The following ADAP1 variants were observed in gnomAD, a reference collection of about 807,000 sequenced individuals.
ADAP1 encodes ArfGAP with dual PH domains 1.
In ADAP1, 31 loss-of-function variants were observed where a neutral mutation model predicts 54.9. The observed-to-expected ratio is 0.56, with a 90% confidence interval of 0.42 to 0.76. The LOEUF is 0.76. Ranked by LOEUF, ADAP1 falls within the 30% of genes least tolerant of loss-of-function variation. The pLI is 0.00. For missense variants in ADAP1, 535 were observed against 512.4 expected, an observed-to-expected ratio of 1.04 and a Z score of -0.42; for synonymous variants, 313 against 202.6, an observed-to-expected ratio of 1.55 and a Z score of -4.63.
intron 4 of ADAP1, among the ~76,000 whole-genome samples, chr7:911,048 T>C (rs1348620488): frequency 6.6e-6 from 1 of 152,216 alleles, no homozygotes. Context: ...GACCCATTAA[T>C]GCACCTTCTC....
intron 4 of ADAP1, among the ~76,000 whole-genome samples, chr7:907,948 C>A (rs1338641110): frequency 6.6e-6 from 1 of 151,808 alleles, no homozygotes; most frequent in Non-Finnish European, 1.5e-5. Flanking sequence ...CCAGGGGTCG[C>A]GGGGCCGTCT....
intron 3 of ADAP1, among the ~76,000 whole-genome samples, chr7:922,440 G>A (rs544690909): frequency 1.3e-5 from 2 of 152,238 alleles, no homozygotes; most frequent in South Asian, 2.1e-4. Context: ...AGGGGAAGAC[G>A]CTCTGAGCCC....
chr7:920,204 T>G lies in ADAP1; in HGVS notation c.306-154A>C, dbSNP rs1285849283. ...TCTGGGCACAAGATCCCGGAAGAAA[T>G]GCAGGGTCAGCCTCCTGCCCGGGAC... On this transcript the variant is annotated intron_variant, in intron 3 of 10. Transcript: ENST00000265846. This position sits in a 1 kb window ranked among gnomAD's most constrained non-coding sequence, Gnocchi z 4.5. 1.3e-5 allele frequency among the ~76,000 whole-genome samples: 2 copies of G among 152,006 alleles called. No individual in the cohort carries two copies. Among genetic ancestry groups the G allele is most frequent in the African/African-American group, 4.8e-5 (2 of 41,364 alleles).
At position 954,494 on chromosome 7, in the gene ADAP1, C is replaced by T. The variant is rs541291932; in HGVS notation, c.-17G>A. The T allele has an allele frequency of 3.6e-4, 361 of 1,016,244 alleles. 4 individuals are homozygous for T. In the African/African-American group the frequency reaches 5.7e-3, roughly 16 times the overall value. 63.0% of individuals were successfully genotyped at this position (1,016,244 alleles called of 1,614,324 possible). A position where few individuals can be genotyped will look rare whatever the true frequency, so the allele number is the denominator to read the frequency against. On this transcript the variant is annotated 5_prime_UTR_variant, in exon 1 of 11. Coordinates refer to ENST00000265846, the MANE Select transcript of ADAP1 (RefSeq NM_006869.4). The stretch of plus-strand genomic sequence containing the variant: ...CTTGGCCATGGCCGCGATGCGCCCG[C>T]GATGCCGATGCCGGGGCCGGGGCCG...
Position 926,600 on chromosome 7 carries a change from C to T in ADAP1, c.258G>A (p.Glu86=). The T allele has an allele frequency of 6.5e-7, 1 of 1,545,904 alleles. No individual in the cohort carries two copies. Residue 86 remains glutamate, a synonymous_variant, in exon 3 of 11, where the codon GAG becomes GAA. Transcript: ENST00000265846. The surrounding 1 kb of genome is among the most constrained non-coding windows in gnomAD (Gnocchi z 4.6). ...HGNDAARARF[E]SKVPSFYYRP... is the part of the protein sequence containing the mutation. ...GGTAGTAGAAGGAGGGTACTTTGGACTCAAACCTGGCTCTCGCGGCGTCGT... is the reference window on the plus strand; with the variant it reads ...GGTAGTAGAAGGAGGGTACTTTGGATTCAAACCTGGCTCTCGCGGCGTCGT...
intron 4 of ADAP1, among the ~76,000 whole-genome samples, chr7:914,308 C>T (rs1383183733): frequency 6.6e-6 from 1 of 152,254 alleles, no homozygotes; most frequent in Non-Finnish European, 1.5e-5. Flanking sequence ...CCGGGCCCTG[C>T]CGCAGGGACT....
rs142389101 is a variant in ADAP1 at position 904,138 on chromosome 7, A to G, written c.636T>C (p.His212=). The part of the protein sequence containing the change: ...DNSTRNIFIY[H]EDGKEIVDWF... The stretch of plus-strand genomic sequence containing the variant: ...CGCCAGCACCCACCTTCCCGTCCTC[A>G]TGGTAGATGAAGATGTTACGGGTGC... The change falls in exon 6 of 11, where the codon CAT becomes CAC. Residue 212 remains histidine (H), a synonymous_variant. Transcript: ENST00000265846. 203 of 1,612,118 alleles carry G rather than the reference A, an allele frequency of 1.3e-4. No individual in the cohort carries two copies. Among genetic ancestry groups the G allele is most frequent in the Non-Finnish European group, 1.6e-4 (186 of 1,179,734 alleles).
intron 1 of ADAP1, among the ~76,000 whole-genome samples, chr7:939,846 AG>A (rs1263226758): frequency 6.7e-6 from 1 of 149,046 alleles, no homozygotes; most frequent in Non-Finnish European, 1.5e-5. Flanking sequence ...AAAAAAAAAA[AG>A]TTTGCCAATG....
rs1350729876 is a variant in ADAP1 at position 919,146 on chromosome 7, G to A, written c.388+822C>T. ...GTTTCTGCCACCCGAGGGCCCCCAA[G>A]GGCACCCAGGCAGGCCTAGGGGAGG... On this transcript the variant is annotated intron_variant, in intron 4 of 10. Transcript: ENST00000265846. Among the ~76,000 whole-genome samples, 7 of 152,324 alleles carry A rather than the reference G, an allele frequency of 4.6e-5. No individual in the cohort carries two copies. The East Asian group carries it at 1.4e-3, about 29-fold the overall frequency.
chr7:954,807 G>A, upstream of ADAP1: 2 of 767,408 alleles, frequency 2.6e-6, no homozygotes, highest in Non-Finnish European at 3.2e-6. Context: ...CGCGCGCCCC[G>A]GGGACCCGCT....
At chr7:899,628 C>T in intron 8 of ADAP1, 138 bp from the exon 9 acceptor site, 1 of 976,162 alleles carries the variant, frequency 1.0e-6, no homozygotes, top group Non-Finnish European at 1.5e-6. Flanking sequence ...TGCCGCTGGC[C>T]ACGCCCCACG....
intron 1 of ADAP1, among the ~76,000 whole-genome samples, chr7:936,376 G>A (rs899388381): frequency 4.6e-5 from 7 of 152,126 alleles, no homozygotes; most frequent in Non-Finnish European, 1.0e-4. Context: ...TATTTTTAGT[G>A]GAGATGGGGT....
chr7:900,387 G>A (rs1844729398), intron 7 of ADAP1, 146 bp downstream of exon 7: 1 of 984,310 alleles, frequency 1.0e-6, no homozygotes, highest in East Asian at 2.6e-5. Flanking sequence ...CAGGAGGGCT[G>A]CAGGCACGTC....
chr7:932,844 G>A (rs149221026), intron 2 of ADAP1, among the ~76,000 whole-genome samples: 159 of 152,352 alleles, frequency 1.0e-3, no homozygotes, highest in African/African-American at 3.6e-3. Context: ...TCAGGGTGTG[G>A]GGGATCACGG....
rs993039070 is a variant in ADAP1, at chr7:926,902, C to T, written c.214-258G>A. ...CAAAGGGGGCCCAGGGGCCAGGCCC[C>T]TTTTGAGGATGGGTCTGAGGTTTGC... On this transcript the variant is annotated intron_variant, in intron 2 of 10. Coordinates refer to ENST00000265846, the MANE Select transcript of ADAP1 (RefSeq NM_006869.4). The surrounding 1 kb of genome is among the most constrained non-coding windows in gnomAD (Gnocchi z 4.6). 1 of 1,107,536 alleles carries T rather than the reference C, an allele frequency of 9.0e-7. No individual in the cohort carries two copies. 68.6% of individuals were successfully genotyped at this position (1,107,536 alleles called of 1,614,324 possible). A position where few individuals can be genotyped will look rare whatever the true frequency, so the allele number is the denominator to read the frequency against.
chr7:919,604 CAG>C (rs954010651), intron 4 of ADAP1, among the ~76,000 whole-genome samples: 8 of 136,562 alleles, frequency 5.9e-5, no homozygotes, highest in East Asian at 2.2e-4. Flanking sequence ...GGAAGAGAGA[CAG>C]AGAATGAGAG....
chr7:946,553 C>T lies in ADAP1; in HGVS notation c.82+7843G>A, dbSNP rs1847145338. Reference sequence around the variant, plus strand: ...CCCAAGGACCCCCCCAGGCTCTGCCCTGCCCCTGCCCTCCCACCCTCTCTC... The same window carrying T: ...CCCAAGGACCCCCCCAGGCTCTGCCTTGCCCCTGCCCTCCCACCCTCTCTC... On this transcript the variant is annotated intron_variant, in intron 1 of 10. Coordinates refer to ENST00000265846, the MANE Select transcript of ADAP1 (RefSeq NM_006869.4). This position sits in a 1 kb window ranked among gnomAD's most constrained non-coding sequence, Gnocchi z 4.3. Among the ~76,000 whole-genome samples, 1 of 152,078 alleles carries T rather than the reference C, an allele frequency of 6.6e-6. No homozygotes were observed.
rs559260979 is a variant in ADAP1 at position 898,451 on chromosome 7, G to A, written c.*470C>T. 8.3e-4 allele frequency: 189 copies of A among 227,426 alleles called. No homozygotes were observed. The highest frequency in any genetic ancestry group is 2.2e-3 in the Admixed American group (44 of 19,640). The allele number at this position is 227,426 out of a possible 1,614,324, so 14.1% of individuals were successfully genotyped here. A position where few individuals can be genotyped will look rare whatever the true frequency, so the allele number is the denominator to read the frequency against. On this transcript the variant is annotated 3_prime_UTR_variant, in exon 11 of 11. Transcript: ENST00000265846. ...CATAGCCCCGTGACACACAACAGGC[G>A]CTCAATAAATAGTCGTGGAGGTGGG...
intron 5 of ADAP1, 109 bp downstream of exon 5, chr7:904,951 G>T: frequency 3.6e-6 from 3 of 823,664 alleles, no homozygotes; most frequent in African/African-American, 1.7e-5. Context: ...ATCGGGGGGG[G>T]CAGCAGGGAG....
Sources: gnomAD v4.1 joint callset for allele counts (sites outside exome capture counted in the v4.1 genomes callset) on GRCh38, gnomAD v4.1.1 for gene constraint, Gnocchi (gnomAD v3.1) non-coding constraint, MANE v1.5 for transcripts, NCBI Gene and HGNC (gene_info 2026-07-23, HGNC 2026-07-21) for gene names.